Variants in SORCS2 observed in about 807,000 individuals in gnomAD.
SORCS2 encodes sortilin related VPS10 domain containing receptor 2.
SORCS2 carries 100 observed loss-of-function variants against 141.6 expected under a neutral mutation model. The ratio of observed to expected loss-of-function variants is 0.71; its 90% confidence interval spans 0.60 to 0.83. The LOEUF is 0.83. SORCS2 is among the 40% of genes least tolerant of loss of function. The pLI is 0.00. For missense variants in SORCS2, 1,646 were observed against 1,560.2 expected (o/e 1.05, Z -0.93); for synonymous variants, 789 against 676.9 (o/e 1.17, Z -2.57).
At chr4:7,306,112 C>T (rs1052651490) in intron 1 of SORCS2, among the ~76,000 whole-genome samples, 5 of 152,156 alleles carry the variant, frequency 3.3e-5, no homozygotes, top group African/African-American at 1.2e-4. Flanking sequence ...TCTGTTCCAC[C>T]CTGTCCCCAT....
chr4:7,722,014 T>C (rs1233112590), intron 18 of SORCS2, among the ~76,000 whole-genome samples: 2 of 152,244 alleles, frequency 1.3e-5, no homozygotes, highest in African/African-American at 4.8e-5. Context: ...ATTTGTATTT[T>C]ATATTATTTT....
At position 7,536,509 on chromosome 4, in the gene SORCS2, T is replaced by G. The variant is rs539871744; in HGVS notation, c.648+4880T>G. Among the ~76,000 whole-genome samples, 3 of 152,280 alleles carry G rather than the reference T, an allele frequency of 2.0e-5. No homozygotes were observed. The East Asian group carries it at 5.8e-4, about 29-fold the overall frequency. On this transcript the variant is annotated intron_variant, in intron 3 of 26. Coordinates refer to ENST00000507866, the MANE Select transcript of SORCS2 (RefSeq NM_020777.3). Reference sequence around the variant, plus strand: ...AGAAGAGACTCAGGAGGTACAGGGCTGGTCTTCAGACACCTGCATGGTGGT... The same window carrying G: ...AGAAGAGACTCAGGAGGTACAGGGCGGGTCTTCAGACACCTGCATGGTGGT...
At chr4:7,568,111 G>A (rs940061896) in intron 3 of SORCS2, among the ~76,000 whole-genome samples, 1 of 152,186 alleles carries the variant, frequency 6.6e-6, no homozygotes, top group Non-Finnish European at 1.5e-5. Context: ...TTGGAGAATG[G>A]TATTAGAAAC....
intron 1 of SORCS2, among the ~76,000 whole-genome samples, chr4:7,262,617 A>C (rs10025282): frequency 5.9e-5 from 9 of 152,198 alleles, no homozygotes; most frequent in African/African-American, 1.7e-4. Flanking sequence ...TATATACAAG[A>C]TGATCGGCAA....
chr4:7,659,642 A>T (rs1560463145), intron 5 of SORCS2, among the ~76,000 whole-genome samples: 1 of 152,358 alleles, frequency 6.6e-6, no homozygotes, highest in South Asian at 2.1e-4. Context: ...TTGGTGCCAG[A>T]GTACTTACTG....
chr4:7,694,746 A>C (rs1370208136), intron 11 of SORCS2, among the ~76,000 whole-genome samples: 1 of 152,142 alleles, frequency 6.6e-6, no homozygotes, highest in Non-Finnish European at 1.5e-5. Flanking sequence ...TTTGTTTGCC[A>C]GGCACCACAC....
intron 1 of SORCS2, among the ~76,000 whole-genome samples, chr4:7,385,854 T>G (rs2109080294): frequency 6.6e-6 from 1 of 152,314 alleles, no homozygotes; most frequent in Non-Finnish European, 1.5e-5. Context: ...TGGCCCTTGC[T>G]GGGGGAGAAA....
At chr4:7,716,961 C>T (rs1012361558) in intron 17 of SORCS2, among the ~76,000 whole-genome samples, 10 of 152,252 alleles carry the variant, frequency 6.6e-5, no homozygotes, top group Admixed American at 1.3e-4. Flanking sequence ...AATGCTTATT[C>T]AGTGGCAGAG....
chr4:7,697,090 C>T, intron 11 of SORCS2, 108 bp from the exon 12 acceptor site: 1 of 885,420 alleles, frequency 1.1e-6, no homozygotes. Flanking sequence ...GATATGGAGA[C>T]CCGGGGCACT....
chr4:7,549,355 C>T (rs886437023), intron 3 of SORCS2, among the ~76,000 whole-genome samples: 7 of 151,866 alleles, frequency 4.6e-5, no homozygotes, highest in African/African-American at 7.3e-5. Context: ...ACCTGCTTTC[C>T]GGGGGAGATG....
intron 3 of SORCS2, among the ~76,000 whole-genome samples, chr4:7,625,808 AG>A (rs1719481253): frequency 6.8e-6 from 1 of 146,182 alleles, no homozygotes. Context: ...GAACGGAGGA[AG>A]GAGGGGAGGA....
At chr4:7,463,060 A>T (rs1373080937) in intron 2 of SORCS2, among the ~76,000 whole-genome samples, 1 of 151,934 alleles carries the variant, frequency 6.6e-6, no homozygotes, top group Non-Finnish European at 1.5e-5. Flanking sequence ...AGGCCCCTCC[A>T]GTTCAGTGTT....
intron 4 of SORCS2, among the ~76,000 whole-genome samples, chr4:7,645,925 G>A (rs58565534): frequency 0.017 from 2,634 of 152,246 alleles, 42 homozygotes; most frequent in Middle Eastern, 0.027. Context: ...TCCCAAGGCC[G>A]TGGTGAGTGG....
At chr4:7,441,017 T>A (rs895778745) in intron 2 of SORCS2, among the ~76,000 whole-genome samples, 2 of 151,478 alleles carry the variant, frequency 1.3e-5, no homozygotes, top group Non-Finnish European at 2.9e-5. Context: ...AGGTGGAGAT[T>A]TGGGGAGAGG....
intron 3 of SORCS2, among the ~76,000 whole-genome samples, chr4:7,619,871 G>T (rs1046454190): frequency 1.3e-5 from 2 of 152,092 alleles, no homozygotes; most frequent in Non-Finnish European, 2.9e-5. Context: ...GACGTGAAAC[G>T]CCAGGATGTT....
chr4:7,224,364 C>T (rs147466119), intron 1 of SORCS2, among the ~76,000 whole-genome samples: 5 of 152,296 alleles, frequency 3.3e-5, no homozygotes, highest in Admixed American at 2.0e-4. Context: ...TAATAATTTG[C>T]GATGAGTGTT....
At chr4:7,391,304 C>T (rs1404000857) in intron 1 of SORCS2, among the ~76,000 whole-genome samples, 1 of 152,210 alleles carries the variant, frequency 6.6e-6, no homozygotes, top group Non-Finnish European at 1.5e-5. Context: ...CCCCCTTTCC[C>T]CAGAGCAGCA....
intron 2 of SORCS2, among the ~76,000 whole-genome samples, chr4:7,514,759 T>G (rs1199089705): frequency 6.6e-6 from 1 of 151,450 alleles, no homozygotes; most frequent in Non-Finnish European, 1.5e-5. Context: ...GGTGTCGGGG[T>G]TTTTACTTCA....
intron 8 of SORCS2, 83 bp from the exon 9 acceptor site, chr4:7,675,967 C>T (rs1440379000): frequency 6.8e-7 from 1 of 1,476,912 alleles, no homozygotes; most frequent in Non-Finnish European, 9.2e-7. Flanking sequence ...TCTGCACCCT[C>T]ACGGCCTGTG....
Sources: gnomAD v4.1 joint callset for allele counts (sites outside exome capture counted in the v4.1 genomes callset) on GRCh38, gnomAD v4.1.1 for gene constraint, MANE v1.5 for transcripts, NCBI Gene and HGNC (gene_info 2026-07-23, HGNC 2026-07-21) for gene names.